Variants in STK32B observed in about 807,000 individuals in gnomAD.
The protein encoded by STK32B is serine/threonine kinase 32B, also known as serine/threonine-protein kinase 32B.
A neutral mutation model predicts 52.6 loss-of-function variants in STK32B; 43 were observed. The ratio of observed to expected loss-of-function variants is 0.82; its 90% CI spans 0.64 to 1.05. The LOEUF (loss-of-function observed/expected upper bound fraction) is 1.05. Ranked by LOEUF, STK32B falls within the 50% of genes least tolerant of loss-of-function variation. STK32B has a pLI of 0.00. For synonymous variants in STK32B, 238 were observed against 204.3 expected (o/e 1.17, Z -1.41); for missense variants, 621 against 534.6 (o/e 1.16, Z -1.59).
chr4:5,361,433 A>G (rs766407552), intron 4 of STK32B, among the ~76,000 whole-genome samples: 16 of 152,142 alleles, frequency 1.1e-4, no homozygotes, highest in Admixed American at 2.6e-4. Context: ...GTGCAGTGGC[A>G]TGATCGTGGC....
intron 1 of STK32B, among the ~76,000 whole-genome samples, chr4:5,055,728 C>G (rs971602906): frequency 3.9e-5 from 6 of 152,156 alleles, no homozygotes; most frequent in Non-Finnish European, 8.8e-5. Flanking sequence ...AGCCCTGGCA[C>G]CTGCCCCTCT....
In STK32B at chr4:5,051,625, G is replaced by A. The variant is rs1040852247; in HGVS notation, c.-239G>A. 3.9e-6 allele frequency: 2 copies of A among 517,376 alleles called. No homozygotes were observed. Among genetic ancestry groups the A allele is most frequent in the Non-Finnish European group, 6.7e-6 (2 of 300,550 alleles). The allele number at this position is 517,376 out of a possible 1,614,324, so 32.0% of individuals were successfully genotyped here. A position where few individuals can be genotyped will look rare whatever the true frequency, so the allele number is the denominator to read the frequency against. On this transcript the variant is annotated 5_prime_UTR_variant, in exon 1 of 12. Coordinates refer to ENST00000282908, the MANE Select transcript of STK32B (RefSeq NM_018401.3). ...TAAGGAGCTGCGAGCGCAGCCCGAG[G>A]CGGGGCACGGCGGAAGGCGCGGCGA...
chr4:5,100,011 A>T lies in STK32B; in HGVS notation c.53-39894A>T, dbSNP rs571158612. On this transcript the variant is annotated intron_variant, in intron 1 of 11. Transcript: ENST00000282908. ...TTAATTCAGTTCTTTAAAAAAAAAA[A>T]AAACACTGAATAGGTCAAATAGAAA... 7.9e-5 allele frequency among the ~76,000 whole-genome samples: 12 copies of T among 152,274 alleles called. No homozygotes were observed. The South Asian group carries it at 1.7e-3, about 21-fold the overall frequency.
intron 3 of STK32B, among the ~76,000 whole-genome samples, chr4:5,319,930 C>G (rs947178087): frequency 1.3e-5 from 2 of 152,106 alleles, no homozygotes; most frequent in African/African-American, 2.4e-5. Flanking sequence ...TTAGCCATGT[C>G]TTATGTGGAT....
At chr4:5,115,037 TCA>T (rs1158353008) in intron 1 of STK32B, among the ~76,000 whole-genome samples, 1 of 152,236 alleles carries the variant, frequency 6.6e-6, no homozygotes, top group African/African-American at 2.4e-5. Flanking sequence ...AGACATTCTC[TCA>T]GACTCTGTCA....
At chr4:5,364,605 G>T (rs10017740) in intron 4 of STK32B, among the ~76,000 whole-genome samples, 2 of 152,228 alleles carry the variant, frequency 1.3e-5, no homozygotes, top group Middle Eastern at 6.8e-3. Context: ...CCTGAGTCAC[G>T]TGACTATCCC....
chr4:5,139,286 G>T (rs1028698838), intron 1 of STK32B, among the ~76,000 whole-genome samples: 2 of 152,188 alleles, frequency 1.3e-5, no homozygotes, highest in Non-Finnish European at 2.9e-5. Flanking sequence ...CTTTGGATCT[G>T]TTGAGTTCAT....
chr4:5,493,992 C>T (rs139453066), intron 11 of STK32B, among the ~76,000 whole-genome samples: 1,673 of 152,316 alleles, frequency 0.011, 11 homozygotes, highest in Non-Finnish European at 0.015. Context: ...GAGAGCTTTA[C>T]TTCCAAGTAT....
the STK32B span, among the ~76,000 whole-genome samples, chr4:5,041,893 A>C: frequency 6.6e-6 from 1 of 152,140 alleles, no homozygotes; most frequent in African/African-American, 2.4e-5. Context: ...TAAGCAAACC[A>C]GACTCAAGTT....
intron 1 of STK32B, among the ~76,000 whole-genome samples, chr4:5,063,561 T>C (rs1048993052): frequency 6.6e-6 from 1 of 152,170 alleles, no homozygotes; most frequent in Non-Finnish European, 1.5e-5. Context: ...CAGGCTGGTC[T>C]TGAACTCCTG....
chr4:5,409,724 G>A (rs965667693), intron 5 of STK32B, among the ~76,000 whole-genome samples: 6 of 152,086 alleles, frequency 3.9e-5, no homozygotes, highest in Non-Finnish European at 7.3e-5. Context: ...GCTCAGTAAA[G>A]CCCAGAAATG....
At chr4:5,066,992 A>G (rs12508040) in intron 1 of STK32B, among the ~76,000 whole-genome samples, 45,828 of 152,102 alleles carry the variant, frequency 0.3, 7,167 homozygotes, top group South Asian at 0.46. Context: ...TTAAGTCAGT[A>G]TATTAGTCTG....
chr4:5,493,540 C>T (rs1280259109), intron 11 of STK32B, among the ~76,000 whole-genome samples: 1 of 152,158 alleles, frequency 6.6e-6, no homozygotes, highest in Non-Finnish European at 1.5e-5. Flanking sequence ...CTCCTGGATT[C>T]ATTAATTTTT....
At chr4:5,074,462 T>C (rs1482929657) in intron 1 of STK32B, among the ~76,000 whole-genome samples, 1 of 152,112 alleles carries the variant, frequency 6.6e-6, no homozygotes, top group East Asian at 1.9e-4. Context: ...TTAAAAATTC[T>C]GCTAATTTCA....
chr4:5,271,104 A>C lies in STK32B; in HGVS notation c.261-60116A>C, dbSNP rs1459331153. 2.0e-5 allele frequency among the ~76,000 whole-genome samples: 3 copies of C among 152,056 alleles called. No homozygotes were observed. In the East Asian group the frequency reaches 5.8e-4, roughly 29 times the overall value. On this transcript the variant is annotated intron_variant, in intron 3 of 11. Coordinates refer to ENST00000282908, the MANE Select transcript of STK32B (RefSeq NM_018401.3). ...AGGTGCATGCCACCATGCCCGGCTA[A>C]TTTTTGTATTTCTAGTAGAGATGGG...
In STK32B at chr4:5,272,017, C is replaced by T. The variant is rs1290437141; in HGVS notation, c.261-59203C>T. 3.8e-3 allele frequency among the ~76,000 whole-genome samples: 565 copies of T among 148,280 alleles called. 6 individuals carry two copies. The highest frequency in any genetic ancestry group is 0.013 in the African/African-American group (505 of 38,644). On this transcript the variant is annotated intron_variant, in intron 3 of 11. Transcript: ENST00000282908. Reference sequence around the variant, plus strand: ...TTATTTCCTTCTCCTGCCTAATTGCCCTGGCCAGAACTTCCAACACTATGT... The same window carrying T: ...TTATTTCCTTCTCCTGCCTAATTGCTCTGGCCAGAACTTCCAACACTATGT...
intron 5 of STK32B, among the ~76,000 whole-genome samples, chr4:5,405,604 T>TG (rs1737605290): frequency 6.6e-6 from 1 of 152,112 alleles, no homozygotes; most frequent in Non-Finnish European, 1.5e-5. Flanking sequence ...GAGGCATGGC[T>TG]GGGGAGGCCT....
intron 1 of STK32B, among the ~76,000 whole-genome samples, chr4:5,076,970 G>A (rs932786018): frequency 2.6e-5 from 4 of 152,140 alleles, no homozygotes; most frequent in Admixed American, 2.6e-4. Flanking sequence ...AAGGAGGAGA[G>A]ACAAAGGGAG....
At chr4:5,301,700 G>T (rs886203130) in intron 3 of STK32B, among the ~76,000 whole-genome samples, 13 of 97,954 alleles carry the variant, frequency 1.3e-4, no homozygotes, top group Middle Eastern at 6.8e-3. Flanking sequence ...CTAAAGTTTT[G>T]TAATTTTTGT....
Sources: gnomAD v4.1 joint callset for allele counts (sites outside exome capture counted in the v4.1 genomes callset) on GRCh38, gnomAD v4.1.1 for gene constraint, MANE v1.5 for transcripts, NCBI Gene and HGNC (gene_info 2026-07-23, HGNC 2026-07-21) for gene names.